The following CHAT variants were observed in gnomAD, a reference collection of about 807,000 sequenced individuals.
CHAT encodes choline O-acetyltransferase.
CHAT carries 61 observed loss-of-function variants against 76.9 expected under a neutral mutation model. The observed-to-expected ratio is 0.79, with a 90% CI of 0.65 to 0.98. CHAT has a LOEUF of 0.98. Ranked by LOEUF, CHAT falls within the 50% of genes least tolerant of loss-of-function variation. The pLI, the probability that CHAT is intolerant of heterozygous loss-of-function variation, is 0.00. For missense variants in CHAT, 946 were observed against 986.9 expected (o/e 0.96, Z 0.56); for synonymous variants, 407 against 397.4 (o/e 1.02, Z -0.29).
intron 7 of CHAT, among the ~76,000 whole-genome samples, chr10:49,642,655 C>T (rs1286148015): frequency 6.6e-6 from 1 of 152,276 alleles, no homozygotes; most frequent in Non-Finnish European, 1.5e-5. Context: ...AGCCTCCTGA[C>T]TGAGCAGGCA....
chr10:49,611,224 A>G (rs1403407712), upstream of CHAT: 2 of 1,613,930 alleles, frequency 1.2e-6, no homozygotes, highest in African/African-American at 1.3e-5. Flanking sequence ...CCTGGGCGTC[A>G]TGTTCGCCTC....
At chr10:49,611,125 G>T (rs765251455), upstream of CHAT, 24 of 1,614,038 alleles carry the variant, frequency 1.5e-5, no homozygotes, top group East Asian at 4.9e-4. Context: ...GGTGCTGTTT[G>T]CTTCCAAGGC....
At chr10:49,610,952 C>A, upstream of CHAT, 1 of 1,610,754 alleles carries the variant, frequency 6.2e-7, no homozygotes, top group Non-Finnish European at 8.5e-7. Context: ...GGCGAGGGCC[C>A]CACCCGGACT....
At chr10:49,661,202 T>G (rs1840183615) in intron 13 of CHAT, 1 of 152,218 alleles carries the variant, frequency 6.6e-6, no homozygotes, top group Admixed American at 6.5e-5. Flanking sequence ...TACTCGTTAT[T>G]ACTCATGGCT....
chr10:49,645,144 T>A (rs10400097), intron 7 of CHAT, among the ~76,000 whole-genome samples: 2,872 of 152,250 alleles, frequency 0.019, 98 homozygotes, highest in African/African-American at 0.064. Context: ...TTGTTATCCA[T>A]GTACCAAGCT....
intron 10 of CHAT, among the ~76,000 whole-genome samples, chr10:49,650,682 G>A (rs1454075924): frequency 6.6e-6 from 1 of 152,204 alleles, no homozygotes; most frequent in Admixed American, 6.5e-5. Context: ...GGAGGGTTCT[G>A]TGCAGGGGGT....
In CHAT at chr10:49,619,829, C is replaced by T. The variant is rs746798016; in HGVS notation, c.492C>T (p.Ala164=). 6.8e-6 allele frequency: 11 copies of T among 1,613,828 alleles called. No individual in the cohort carries two copies. The highest frequency in any genetic ancestry group is 1.6e-4 in the Middle Eastern group (1 of 6,082). Residue 164 remains alanine (A), a synonymous_variant, in exon 3 of 15, where the codon GCC becomes GCT. Coordinates refer to ENST00000337653, the MANE Select transcript of CHAT (RefSeq NM_020549.5). ...VSEEQFRKSQ[A]IVQQFGAPGG... is the part of the protein sequence containing the mutation. ...AGGAGCAGTTCAGGAAGAGCCAGGC[C>T]ATTGTGCAGCAGTTTGGGGCCCCTG...
chr10:49,657,524 C>T (rs1308901933), intron 13 of CHAT, among the ~76,000 whole-genome samples: 1 of 152,118 alleles, frequency 6.6e-6, no homozygotes, highest in African/African-American at 2.4e-5. Context: ...CCCCCCTCCC[C>T]AGTGGTGGGC....
At chr10:49,610,865 C>T (rs1190038791), upstream of CHAT, 2 of 1,612,964 alleles carry the variant, frequency 1.2e-6, no homozygotes, top group South Asian at 2.2e-5. Context: ...GTGTGCGTGG[C>T]GCTGTTACTG....
rs1838883518 is a variant in CHAT at position 49,625,478 on chromosome 10, C to T, written c.758C>T (p.Ser253Phe). 1 of 1,612,258 alleles carries T rather than the reference C, an allele frequency of 6.2e-7. No homozygotes were observed. The highest frequency in any genetic ancestry group is 1.3e-5 in the African/African-American group (1 of 74,872). Residue 253 changes from serine (S) to phenylalanine (F), a missense_variant, in exon 6 of 15, where the codon TCC (serine) becomes TTC (phenylalanine). By Grantham distance (155) the Ser-to-Phe change is radical. Around this residue, in one of 3 missense-constraint regions of CHAT, gnomAD observed 548 missense variants for 516.2 expected, o/e 1.06. Transcript: ENST00000337653. ...LSYKALLDSH[S>F]IPTDCAKGQL... Reference sequence around the variant, plus strand: ...TTCCCACTCCTCTCCTTCAGCCACTCCATTCCCACTGACTGTGCCAAAGGC... The same window carrying T: ...TTCCCACTCCTCTCCTTCAGCCACTTCATTCCCACTGACTGTGCCAAAGGC...
At chr10:49,642,220 G>A (rs1053484780) in intron 7 of CHAT, among the ~76,000 whole-genome samples, 30 of 152,210 alleles carry the variant, frequency 2.0e-4, no homozygotes, top group South Asian at 4.1e-4. Context: ...CCTTCAGCCC[G>A]TTGTCCCATG....
chr10:49,651,025 G>A (rs1839858579), intron 10 of CHAT, among the ~76,000 whole-genome samples: 1 of 152,052 alleles, frequency 6.6e-6, no homozygotes, highest in Non-Finnish European at 1.5e-5. Context: ...CAGAGGCTGA[G>A]GAGAGCCAGG....
chr10:49,641,239 A>G (rs1317404898), intron 7 of CHAT, among the ~76,000 whole-genome samples: 1 of 152,222 alleles, frequency 6.6e-6, no homozygotes, highest in Middle Eastern at 3.2e-3. Context: ...TGAGAGCTGA[A>G]GCTTCAACGT....
intron 6 of CHAT, among the ~76,000 whole-genome samples, chr10:49,626,696 G>A (rs1838934552): frequency 6.6e-6 from 1 of 152,220 alleles, no homozygotes; most frequent in Non-Finnish European, 1.5e-5. Flanking sequence ...CTGGGCCCCT[G>A]CACAAGACCA....
chr10:49,658,959 G>T (rs1426544056), intron 13 of CHAT, among the ~76,000 whole-genome samples: 1 of 152,118 alleles, frequency 6.6e-6, no homozygotes. Context: ...ATAAAGAGAT[G>T]AAATATAAGA....
chr10:49,616,785 AGGGGCTGAGACGGG>A, intron 2 of CHAT, among the ~76,000 whole-genome samples, 183 bp downstream of exon 2: 1 of 152,298 alleles, frequency 6.6e-6, no homozygotes, highest in East Asian at 1.9e-4. Context: ...AAGGGCCTGG[AGGGGCTGAGACGGG>A]CCTCAGGGTG....
intron 7 of CHAT, among the ~76,000 whole-genome samples, chr10:49,639,262 A>G (rs1471888968): frequency 1.3e-5 from 2 of 151,992 alleles, no homozygotes; most frequent in Admixed American, 1.3e-4. Context: ...AAACAAACAA[A>G]CAAAAAAACA....
In CHAT at chr10:49,614,224, G is replaced by T. The variant is rs770749789; in HGVS notation, c.35G>T (p.Gly12Val). ...AGGACAGCGAAGAAGAGGGGGCTTG[G>T]GGGAGGGGGGAAATGGAAGAGAGAG... The part of the protein sequence containing the change: ...GLRTAKKRGL[G>V]GGGKWKREEG... The change falls in exon 1 of 15, where the codon GGG becomes GTG. Residue 12 changes from glycine (G) to valine (V), a missense_variant. Gly to Val is a moderately radical substitution (Grantham distance 109). Coordinates refer to ENST00000337653, the MANE Select transcript of CHAT (RefSeq NM_020549.5). 2.5e-5 allele frequency: 38 copies of T among 1,531,760 alleles called. No homozygotes were observed. The highest frequency in any genetic ancestry group is 2.2e-4 in the Middle Eastern group (1 of 4,572). 94.9% of individuals were successfully genotyped at this position (1,531,760 alleles called of 1,614,324 possible). A position where few individuals can be genotyped will look rare whatever the true frequency, so the allele number is the denominator to read the frequency against.
At chr10:49,650,154 C>A (rs1839830401) in intron 10 of CHAT, among the ~76,000 whole-genome samples, 1 of 152,166 alleles carries the variant, frequency 6.6e-6, no homozygotes, top group Non-Finnish European at 1.5e-5. Context: ...TGCACTGTAG[C>A]TGTTGATTCT....
Sources: gnomAD v4.1 joint callset for allele counts (sites outside exome capture counted in the v4.1 genomes callset) on GRCh38, gnomAD v4.1.1 for gene constraint, gnomAD v4.1.1 regional missense constraint, MANE v1.5 for transcripts, NCBI Gene and HGNC (gene_info 2026-07-23, HGNC 2026-07-21) for gene names.